Variants in CHD6 observed in about 807,000 individuals in gnomAD.
CHD6 encodes the protein chromodomain helicase DNA binding protein 6.
Under a neutral mutation model 276.9 loss-of-function variants are expected in CHD6, and 50 were observed. That is an observed-to-expected ratio of 0.18 (90% CI 0.14 to 0.23). The LOEUF (loss-of-function observed/expected upper bound fraction) is 0.23, where lower values mean the gene tolerates loss of function less well. CHD6 is among the 10% of genes least tolerant of loss of function. CHD6 has a pLI of 1.00. For synonymous variants in CHD6, 1,173 were observed against 1,229.3 expected, an observed-to-expected ratio of 0.95 and a Z score of 0.96; for missense variants, 2,564 against 3,365.8, an observed-to-expected ratio of 0.76 and a Z score of 5.89.
intron 1 of CHD6, among the ~76,000 whole-genome samples, chr20:41,602,131 G>T (rs755227327): frequency 6.6e-6 from 1 of 152,324 alleles, no homozygotes; most frequent in Non-Finnish European, 1.5e-5. Context: ...TTGGTTAGCA[G>T]ATTAATGAGA....
intron 10 of CHD6, among the ~76,000 whole-genome samples, chr20:41,493,208 T>C (rs914232456): frequency 3.3e-5 from 5 of 152,166 alleles, no homozygotes; most frequent in African/African-American, 1.2e-4. Flanking sequence ...ACAGGAAAGA[T>C]ACTACTGAGC....
chr20:41,527,399 C>T (rs1246667178), intron 3 of CHD6, among the ~76,000 whole-genome samples: 1 of 151,984 alleles, frequency 6.6e-6, no homozygotes, highest in Non-Finnish European at 1.5e-5. Context: ...CCAGCCTGGG[C>T]GACAGAGCGA....
intron 2 of CHD6, among the ~76,000 whole-genome samples, chr20:41,540,557 G>A (rs1204420964): frequency 6.6e-6 from 1 of 152,180 alleles, no homozygotes; most frequent in Non-Finnish European, 1.5e-5. Context: ...AGAATGAGAG[G>A]TGTCAGCACT....
In CHD6 at chr20:41,451,056, G is replaced by A. The variant is rs775867589; in HGVS notation, c.3573C>T (p.Asn1191=). ...CCTTTAGCTCTGGGATTAGCAACTG[G>A]TTCTTCGTCTTCTTCCCCTTCCTCC... The part of the protein sequence containing the change: ...PRGRKGKKTK[N]QLLIPELKDA... Residue 1191 remains asparagine (N), a synonymous_variant, in exon 23 of 37, where the codon AAC becomes AAT. Coordinates refer to ENST00000373233, the MANE Select transcript of CHD6 (RefSeq NM_032221.5). 1.2e-6 allele frequency: 2 copies of A among 1,614,004 alleles called. No homozygotes were observed. The highest frequency in any genetic ancestry group is 1.1e-5 in the South Asian group (1 of 91,052).
chr20:41,512,390 G>T (rs2044140973), intron 5 of CHD6, among the ~76,000 whole-genome samples: 1 of 151,958 alleles, frequency 6.6e-6, no homozygotes, highest in African/African-American at 2.4e-5. Flanking sequence ...GAATATCATT[G>T]GGATGAGGGG....
intron 36 of CHD6, among the ~76,000 whole-genome samples, chr20:41,407,222 G>C (rs980014852): frequency 2.0e-5 from 3 of 152,154 alleles, no homozygotes; most frequent in African/African-American, 7.2e-5. Context: ...CCTTCCACTA[G>C]AGTCTGCAGA....
chr20:41,420,478 C>T (rs1249777219), intron 31 of CHD6, 30 bp downstream of exon 31: 1 of 1,568,698 alleles, frequency 6.4e-7, no homozygotes, highest in South Asian at 1.2e-5. Context: ...CTAGTTTATC[C>T]AAAATGCCAC....
At chr20:41,496,427 T>G (rs1290280803) in intron 8 of CHD6, among the ~76,000 whole-genome samples, 1 of 152,098 alleles carries the variant, frequency 6.6e-6, no homozygotes, top group Non-Finnish European at 1.5e-5. Context: ...TCATCAGGAG[T>G]CTATCTCTGC....
chr20:41,448,691 A>G (rs1245158550), intron 23 of CHD6, among the ~76,000 whole-genome samples: 1 of 152,168 alleles, frequency 6.6e-6, no homozygotes. Flanking sequence ...GTATTCTGTT[A>G]TAGCAGCAGA....
intron 1 of CHD6, among the ~76,000 whole-genome samples, chr20:41,573,641 A>C (rs2045442042): frequency 6.6e-6 from 1 of 152,214 alleles, no homozygotes; most frequent in Non-Finnish European, 1.5e-5. Context: ...TAACACTAGC[A>C]CACAAGTAAC....
At chr20:41,528,373 T>C (rs764024742) in intron 3 of CHD6, among the ~76,000 whole-genome samples, 6 of 152,108 alleles carry the variant, frequency 3.9e-5, no homozygotes, top group Non-Finnish European at 5.9e-5. Context: ...TAAACGTACA[T>C]CTGTGTATGT....
chr20:41,422,474 C>CA (rs1569060856), intron 30 of CHD6, among the ~76,000 whole-genome samples: 1 of 151,910 alleles, frequency 6.6e-6, no homozygotes, highest in East Asian at 1.9e-4. Flanking sequence ...CCCCACCCCC[C>CA]ATGTCTACAA....
intron 27 of CHD6, among the ~76,000 whole-genome samples, chr20:41,434,051 A>C (rs1415872014): frequency 6.6e-6 from 1 of 152,234 alleles, no homozygotes; most frequent in Non-Finnish European, 1.5e-5. Flanking sequence ...ATAAAATGAC[A>C]GGCTTAAGCT....
intron 1 of CHD6, among the ~76,000 whole-genome samples, chr20:41,591,711 C>T (rs1433700167): frequency 1.3e-5 from 2 of 151,466 alleles, no homozygotes; most frequent in African/African-American, 4.9e-5. Flanking sequence ...AAAACAAAGC[C>T]AGTAGACATG....
In CHD6 at chr20:41,403,252, G is replaced by A. The variant is rs929353430; in HGVS notation, c.*1341C>T. ...CTTGCAACATTTCCAAGGGTCCTGC[G>A]CAGCCCTGCGCCCCCAGAGTACTGA... On this transcript the variant is annotated 3_prime_UTR_variant, in exon 37 of 37. Transcript: ENST00000373233. 14 of 1,061,108 alleles carry A rather than the reference G, an allele frequency of 1.3e-5. No homozygotes were observed. The highest frequency in any genetic ancestry group is 5.1e-5 in the East Asian group (1 of 19,600). The allele number at this position is 1,061,108 out of a possible 1,614,324, so 65.7% of individuals were successfully genotyped here.
intron 35 of CHD6, among the ~76,000 whole-genome samples, chr20:41,412,705 A>T (rs939897569): frequency 1.3e-5 from 2 of 152,200 alleles, no homozygotes; most frequent in Non-Finnish European, 2.9e-5. Flanking sequence ...CGCACCCAGG[A>T]CAAAGACAGT....
rs771068792 is a variant in CHD6, at chr20:41,412,283, C to T, written c.7132-20G>A. 2 of 1,613,246 alleles carry T rather than the reference C, an allele frequency of 1.2e-6. No homozygotes were observed. The highest frequency in any genetic ancestry group is 1.7e-6 in the Non-Finnish European group (2 of 1,179,478). ...AAAATTCTAGGATGAAAACGGAGAC[C>T]AATATTACAAAACATGCTATCCCAG... On this transcript the variant is annotated intron_variant, in intron 35 of 36. Coordinates refer to ENST00000373233, the MANE Select transcript of CHD6 (RefSeq NM_032221.5).
At chr20:41,498,566 C>T (rs193273735) in intron 6 of CHD6, among the ~76,000 whole-genome samples, 36 of 152,266 alleles carry the variant, frequency 2.4e-4, no homozygotes, top group Admixed American at 8.5e-4. Flanking sequence ...ACCCCACTAA[C>T]GCTTCACTTC....
At chr20:41,531,441 C>T (rs1439350635) in intron 3 of CHD6, among the ~76,000 whole-genome samples, 11 of 152,140 alleles carry the variant, frequency 7.2e-5, no homozygotes, top group Admixed American at 6.5e-4. Flanking sequence ...CCAAAGTAAT[C>T]TGGAAATGAA....
Sources: gnomAD v4.1 joint callset for allele counts (sites outside exome capture counted in the v4.1 genomes callset) on GRCh38, gnomAD v4.1.1 for gene constraint, MANE v1.5 for transcripts, NCBI Gene and HGNC (gene_info 2026-07-23, HGNC 2026-07-21) for gene names.